MEIS2: variants seen among roughly 807,000 people sequenced by gnomAD.
MEIS2 encodes the protein homeobox protein Meis2.
MEIS2 carries 9 observed loss-of-function variants against 58.6 expected under a neutral mutation model. The ratio of observed to expected loss-of-function variants is 0.15; its 90% CI spans 0.09 to 0.27. The LOEUF (loss-of-function observed/expected upper bound fraction) is 0.27. Among genes scored for constraint, MEIS2 ranks in the 10% least tolerant of loss-of-function variants. The pLI is 1.00. For missense variants in MEIS2, 427 were observed against 635.0 expected, an observed-to-expected ratio of 0.67 and a Z score of 3.52; for synonymous variants, 221 against 228.4, an observed-to-expected ratio of 0.97 and a Z score of 0.29.
chr15:36,948,428 C>A (rs971462351), intron 9 of MEIS2, among the ~76,000 whole-genome samples: 1 of 151,764 alleles, frequency 6.6e-6, no homozygotes, highest in African/African-American at 2.4e-5. Flanking sequence ...TCTTCAGGTG[C>A]GAAGAGTATA....
At chr15:36,961,458 C>T (rs942751176) in intron 8 of MEIS2, among the ~76,000 whole-genome samples, 3 of 152,000 alleles carry the variant, frequency 2.0e-5, no homozygotes, top group African/African-American at 7.2e-5. Context: ...AGTATTTAAC[C>T]TTTTGCCACC....
At chr15:36,913,101 C>T (rs1450073497) in intron 9 of MEIS2, among the ~76,000 whole-genome samples, 1 of 152,078 alleles carries the variant, frequency 6.6e-6, no homozygotes, top group Non-Finnish European at 1.5e-5. Context: ...CAGAACTATA[C>T]TGTTGTTTCT....
At chr15:36,927,948 A>T (rs2057814530) in intron 9 of MEIS2, among the ~76,000 whole-genome samples, 1 of 152,160 alleles carries the variant, frequency 6.6e-6, no homozygotes, top group Non-Finnish European at 1.5e-5. Flanking sequence ...GGAAGGAAAA[A>T]ATACTGCTGA....
chr15:37,072,373 T>C (rs181608103), intron 7 of MEIS2, among the ~76,000 whole-genome samples: 1 of 152,210 alleles, frequency 6.6e-6, no homozygotes, highest in Non-Finnish European at 1.5e-5. Context: ...TGTATTTATA[T>C]GCATCTGAGG....
At chr15:36,926,087 T>C (rs1211177243) in intron 9 of MEIS2, among the ~76,000 whole-genome samples, 1 of 152,186 alleles carries the variant, frequency 6.6e-6, no homozygotes, top group Middle Eastern at 3.2e-3. Flanking sequence ...TATTTGCTTA[T>C]GTTCTTCCAG....
intron 9 of MEIS2, among the ~76,000 whole-genome samples, chr15:36,925,298 T>A (rs1173335828): frequency 6.6e-6 from 1 of 152,220 alleles, no homozygotes; most frequent in Non-Finnish European, 1.5e-5. Context: ...GTGTTTATTA[T>A]ACATGGGCAA....
At chr15:37,031,421 A>ATGTGTGTGTGTGTG (rs60605081) in intron 8 of MEIS2, among the ~76,000 whole-genome samples, 5,904 of 146,886 alleles carry the variant, frequency 0.04, 163 homozygotes, top group African/African-American at 0.072. Flanking sequence ...TCCCTTGCAT[A>ATGTGTGTGTGTGTG]TGTGTGTGTG....
chr15:36,929,420 T>A (rs1037844075), intron 9 of MEIS2, among the ~76,000 whole-genome samples: 27 of 152,328 alleles, frequency 1.8e-4, no homozygotes, highest in Middle Eastern at 3.4e-3. Flanking sequence ...AGATTTTATT[T>A]TCTCCCCCAA....
chr15:36,922,412 T>G (rs975441617), intron 9 of MEIS2, among the ~76,000 whole-genome samples: 2 of 151,926 alleles, frequency 1.3e-5, no homozygotes, highest in East Asian at 1.9e-4. Flanking sequence ...AAAGGTTTTT[T>G]TGTGTGTGTG....
intron 7 of MEIS2, among the ~76,000 whole-genome samples, chr15:37,040,055 T>TG (rs1340277943): frequency 6.6e-6 from 1 of 151,094 alleles, no homozygotes; most frequent in African/African-American, 2.4e-5. Context: ...GTGTTTTTTT[T>TG]TTTTTGTTTT....
chr15:36,992,954 C>T (rs1466841344), intron 8 of MEIS2, among the ~76,000 whole-genome samples: 3 of 152,104 alleles, frequency 2.0e-5, no homozygotes, highest in Non-Finnish European at 4.4e-5. Context: ...ACTTACCCTT[C>T]CTGCTAAAAC....
intron 8 of MEIS2, among the ~76,000 whole-genome samples, chr15:36,982,528 A>G (rs536747722): frequency 3.4e-4 from 52 of 152,244 alleles, no homozygotes; most frequent in African/African-American, 1.2e-3. Flanking sequence ...GTTTGTATGT[A>G]CAATCATTTT....
At chr15:36,935,792 G>GT (rs565691276) in intron 9 of MEIS2, among the ~76,000 whole-genome samples, 340 of 145,706 alleles carry the variant, frequency 2.3e-3, no homozygotes, top group East Asian at 8.4e-3. Context: ...CTGTATCTCA[G>GT]TTTTTTTTTT....
In MEIS2 at chr15:36,915,821, C is replaced by A. The variant is rs1595714950; in HGVS notation, c.978-19135G>T. On this transcript the variant is annotated intron_variant, in intron 9 of 11. Transcript: ENST00000561208. ...GTATGTGCTGTACTTACTATGATAA[C>A]CATGGCTGAACCAAAATTCAGGGCA... is the stretch of plus-strand genomic sequence containing the variant. Among the ~76,000 whole-genome samples the A allele has an allele frequency of 6.6e-5, 10 of 152,258 alleles. No individual in the cohort carries two copies. The South Asian group carries it at 1.9e-3, about 28-fold the overall frequency.
Position 36,892,385 on chromosome 15 carries a change from T to C in MEIS2, c.1222A>G (p.Thr408Ala), listed in dbSNP as rs2055914123. The change falls in exon 12 of 12, where the codon ACT becomes GCT. Residue 408 changes from threonine (T) to alanine (A), a missense_variant. This residue lies in a region of MEIS2 where 154 missense variants were observed against 148.1 expected (regional missense o/e 1.04). Transcript: ENST00000561208. The part of the protein sequence containing the change: ...MGMSMAQPSY[T>A]PPQMTPHPTQ... ...GGGTGTGGGGTCATCTGGGGAGGAG[T>C]GTAACTTGGCTGTGCCATACTCATT... The C allele has an allele frequency of 1.9e-6, 3 of 1,613,168 alleles. No homozygotes were observed. The South Asian group carries it at 3.3e-5, about 18-fold the overall frequency.
chr15:36,931,865 G>A (rs984929088), intron 9 of MEIS2, among the ~76,000 whole-genome samples: 4 of 152,072 alleles, frequency 2.6e-5, no homozygotes, highest in African/African-American at 9.7e-5. Flanking sequence ...TTATTACACC[G>A]TTTAAAATTT....
intron 9 of MEIS2, among the ~76,000 whole-genome samples, chr15:36,935,670 A>G (rs921094671): frequency 4.6e-5 from 7 of 152,104 alleles, no homozygotes; most frequent in African/African-American, 1.2e-4. Context: ...AATTGAAATG[A>G]AAAAACTTTG....
intron 8 of MEIS2, among the ~76,000 whole-genome samples, chr15:36,995,985 ATATATATATATATATATG>A (rs749873214): frequency 0.37 from 37,858 of 102,480 alleles, 6,607 homozygotes; most frequent in Non-Finnish European, 0.42. Context: ...ATATATATAT[ATATATATATATATATATG>A]TATATATATA....
At chr15:37,000,559 C>G (rs1048187009) in intron 8 of MEIS2, among the ~76,000 whole-genome samples, 6 of 152,070 alleles carry the variant, frequency 3.9e-5, no homozygotes, top group Non-Finnish European at 2.9e-5. Context: ...AAATGAGCTT[C>G]CCCTTTTTTT....
Sources: gnomAD v4.1 joint callset for allele counts (sites outside exome capture counted in the v4.1 genomes callset) on GRCh38, gnomAD v4.1.1 for gene constraint, gnomAD v4.1.1 regional missense constraint, MANE v1.5 for transcripts, NCBI Gene and HGNC (gene_info 2026-07-23, HGNC 2026-07-21) for gene names.